CDC14B: variants seen among roughly 807,000 people sequenced by gnomAD.
CDC14B encodes the protein cell division cycle 14B.
A neutral mutation model predicts 64.2 loss-of-function variants in CDC14B; 22 were observed. The ratio of observed to expected loss-of-function variants is 0.34; its 90% CI spans 0.24 to 0.49. The LOEUF (loss-of-function observed/expected upper bound fraction) is 0.49, where lower values mean the gene tolerates loss of function less well. Ranked by LOEUF, CDC14B falls within the 20% of genes least tolerant of loss-of-function variation. The pLI, the probability that CDC14B is intolerant of heterozygous loss-of-function variation, is 0.99. For synonymous variants in CDC14B, 191 were observed against 215.8 expected (o/e 0.89, Z 1.01); for missense variants, 498 against 629.9 (o/e 0.79, Z 2.24).
chr9:96,565,531 G>A lies in CDC14B; in HGVS notation c.161-48C>T, dbSNP rs369164328. On this transcript the variant is annotated intron_variant, in intron 1 of 13. Transcript: ENST00000375241. ...TTCCTTCCTGGAGGTTACAAAAAAC[G>A]TTTCATATATCATGACACAACTCTT... 4.7e-5 allele frequency: 56 copies of A among 1,188,912 alleles called. No individual in the cohort carries two copies. In the African/African-American group the frequency reaches 7.1e-4, roughly 15 times the overall value. The allele number at this position is 1,188,912 out of a possible 1,614,324, so 73.6% of individuals were successfully genotyped here. A position where few individuals can be genotyped will look rare whatever the true frequency, so the allele number is the denominator to read the frequency against.
intron 5 of CDC14B, 113 bp from the exon 6 acceptor site, chr9:96,542,005 G>C (rs772297278): frequency 6.7e-6 from 4 of 593,518 alleles, no homozygotes; most frequent in Non-Finnish European, 8.4e-6. Context: ...CCATTATCAA[G>C]AAGAAAAAAA....
At chr9:96,607,130 G>A (rs1000266440) in intron 1 of CDC14B, among the ~76,000 whole-genome samples, 5 of 151,454 alleles carry the variant, frequency 3.3e-5, no homozygotes, top group African/African-American at 1.2e-4. Context: ...TTAATGGTTA[G>A]CTTTCAGAAT....
chr9:96,565,525 A>G, intron 1 of CDC14B, 42 bp from the exon 2 acceptor site: 1 of 1,304,092 alleles, frequency 7.7e-7, no homozygotes, highest in Non-Finnish European at 1.1e-6. Context: ...GGAGGTTACA[A>G]AAAACGTTTC....
intron 7 of CDC14B, among the ~76,000 whole-genome samples, chr9:96,538,394 T>C (rs1222932297): frequency 6.6e-6 from 1 of 152,124 alleles, no homozygotes; most frequent in Non-Finnish European, 1.5e-5. Context: ...AACAAGAATA[T>C]TGCTTCTGTA....
intron 9 of CDC14B, among the ~76,000 whole-genome samples, chr9:96,528,316 G>A (rs1413290651): frequency 6.6e-6 from 1 of 152,134 alleles, no homozygotes; most frequent in Non-Finnish European, 1.5e-5. Flanking sequence ...GAGGTCAGGA[G>A]TTCGAGACCA....
chr9:96,561,579 C>A (rs937311710), intron 4 of CDC14B, among the ~76,000 whole-genome samples: 2 of 151,856 alleles, frequency 1.3e-5, no homozygotes, highest in African/African-American at 4.8e-5. Context: ...CCCGGGTTCA[C>A]GACGTTCTCT....
At chr9:96,549,104 A>C (rs1453981240) in intron 5 of CDC14B, among the ~76,000 whole-genome samples, 2 of 152,332 alleles carry the variant, frequency 1.3e-5, no homozygotes, top group East Asian at 3.9e-4. Flanking sequence ...TTAAAAACTA[A>C]GTCTATCACA....
intron 9 of CDC14B, among the ~76,000 whole-genome samples, chr9:96,528,250 G>C (rs900876078): frequency 9.9e-5 from 15 of 152,172 alleles, no homozygotes; most frequent in African/African-American, 3.1e-4. Flanking sequence ...GGCCGGGCGT[G>C]GTGGCTCACA....
chr9:96,601,701 G>A (rs554261552), intron 1 of CDC14B, among the ~76,000 whole-genome samples: 12 of 151,212 alleles, frequency 7.9e-5, no homozygotes, highest in Non-Finnish European at 1.3e-4. Context: ...GCTGAGGCAG[G>A]AGAATCACTT....
In CDC14B at chr9:96,574,077, G is replaced by A. The variant is rs1440152723; in HGVS notation, c.161-8594C>T. Among the ~76,000 whole-genome samples, 5 of 151,898 alleles carry A rather than the reference G, an allele frequency of 3.3e-5. 1 individual carries two copies. In the South Asian group the frequency reaches 8.3e-4, roughly 25 times the overall value. The stretch of plus-strand genomic sequence containing the variant: ...CAGGAAAATGGTGTGAACCCGGGAG[G>A]CGGAGCTGGCAGTACGCCGAGATCG... On this transcript the variant is annotated intron_variant, in intron 1 of 13. Coordinates refer to ENST00000375241, the MANE Select transcript of CDC14B (RefSeq NM_033331.4).
chr9:96,589,333 C>T (rs1010735339), intron 1 of CDC14B, among the ~76,000 whole-genome samples: 1 of 94,792 alleles, frequency 1.1e-5, no homozygotes, highest in Admixed American at 1.1e-4. Flanking sequence ...AGTGAGACTC[C>T]GTCTTAAAAA....
At chr9:96,540,806 G>A (rs532791842) in intron 6 of CDC14B, among the ~76,000 whole-genome samples, 2 of 152,144 alleles carry the variant, frequency 1.3e-5, no homozygotes, top group East Asian at 1.9e-4. Flanking sequence ...TTCCACCAGT[G>A]CCCCATACCT....
intron 1 of CDC14B, among the ~76,000 whole-genome samples, chr9:96,591,907 G>A (rs760415657): frequency 1.3e-5 from 2 of 151,882 alleles, no homozygotes; most frequent in South Asian, 2.1e-4. Flanking sequence ...CAACTCGCCC[G>A]GCTAATTTTT....
chr9:96,517,267 G>A (rs1046774388), intron 12 of CDC14B, among the ~76,000 whole-genome samples: 3 of 151,590 alleles, frequency 2.0e-5, no homozygotes, highest in Non-Finnish European at 2.9e-5. Flanking sequence ...GCTTGAGCTC[G>A]GGAGGCGGAG....
chr9:96,553,066 A>T (rs1037633477), intron 4 of CDC14B, among the ~76,000 whole-genome samples: 1 of 152,216 alleles, frequency 6.6e-6, no homozygotes, highest in East Asian at 1.9e-4. Flanking sequence ...TTACACACCA[A>T]TCCGATTCAC....
At chr9:96,580,219 G>A (rs1271964724) in intron 1 of CDC14B, among the ~76,000 whole-genome samples, 1 of 151,752 alleles carries the variant, frequency 6.6e-6, no homozygotes, top group African/African-American at 2.4e-5. Context: ...AAAGGTTGTG[G>A]GGAGAGTGCC....
chr9:96,559,265 G>A (rs1238845128), intron 4 of CDC14B, among the ~76,000 whole-genome samples: 1 of 152,178 alleles, frequency 6.6e-6, no homozygotes, highest in East Asian at 1.9e-4. Flanking sequence ...ACTTTCAGAA[G>A]CCCTGAATTC....
Position 96,503,788 on chromosome 9 carries a change from G to C in CDC14B, c.1462C>G (p.Leu488Val). 1 of 1,613,072 alleles carries C rather than the reference G, an allele frequency of 6.2e-7. No homozygotes were observed. The highest frequency in any genetic ancestry group is 8.5e-7 in the Non-Finnish European group (1 of 1,179,568). The change falls in exon 14 of 14, where the codon CTC becomes GTC. Residue 488 changes from leucine to valine, a missense_variant and splice_region_variant. Transcript: ENST00000375241. ...SASRKSSVKS[L>V]SISRTKTVLR is the part of the protein sequence containing the mutation. ...ACTGTTTTAGTCCTTGAAATGGAGA[G>C]ACTACAGGGGGAAAAAAAAGGATTT...
At chr9:96,495,287 TCAGA>T (rs1370295004), downstream of CDC14B, among the ~76,000 whole-genome samples, 1 of 151,510 alleles carries the variant, frequency 6.6e-6, no homozygotes, top group Non-Finnish European at 1.5e-5. Flanking sequence ...TCAAATGTTC[TCAGA>T]CACTGAGGCA....
Sources: gnomAD v4.1 joint callset for allele counts (sites outside exome capture counted in the v4.1 genomes callset) on GRCh38, gnomAD v4.1.1 for gene constraint, MANE v1.5 for transcripts, NCBI Gene and HGNC (gene_info 2026-07-23, HGNC 2026-07-21) for gene names.